UNC5D: variants seen among roughly 807,000 people sequenced by gnomAD.
The protein encoded by UNC5D is netrin receptor UNC5D.
In UNC5D, 39 loss-of-function variants were observed where a neutral mutation model predicts 105.4. The ratio of observed to expected loss-of-function variants is 0.37; its 90% CI spans 0.29 to 0.48. The LOEUF is 0.48. UNC5D is among the 20% of genes least tolerant of loss of function. The pLI, the probability that UNC5D is intolerant of heterozygous loss-of-function variation, is 0.98. For missense variants in UNC5D, 991 were observed against 1,202.4 expected (o/e 0.82, Z 2.60); for synonymous variants, 452 against 450.4 (o/e 1.00, Z -0.04).
chr8:35,717,323 TC>T (rs1403411772), intron 8 of UNC5D, among the ~76,000 whole-genome samples: 1 of 152,224 alleles, frequency 6.6e-6, no homozygotes, highest in Admixed American at 6.5e-5. Context: ...GAGTTAAATT[TC>T]CATTAGTAAG....
rs1807846996 is a variant in UNC5D, at chr8:35,447,117, C to T, written c.104-102175C>T. 3.3e-5 allele frequency among the ~76,000 whole-genome samples: 5 copies of T among 152,060 alleles called. No homozygotes were observed. In the South Asian group the frequency reaches 8.3e-4, roughly 25 times the overall value. ...ACGTGTTCTCCCTGTAATAGCTTGTCTAATTTGTATAAAAACTCAAGTTTT... is the reference window on the plus strand; with the variant it reads ...ACGTGTTCTCCCTGTAATAGCTTGTTTAATTTGTATAAAAACTCAAGTTTT... On this transcript the variant is annotated intron_variant, in intron 1 of 16. Coordinates refer to ENST00000404895, the MANE Select transcript of UNC5D (RefSeq NM_080872.4).
At chr8:35,599,253 G>C (rs922201137) in intron 4 of UNC5D, among the ~76,000 whole-genome samples, 1 of 151,624 alleles carries the variant, frequency 6.6e-6, no homozygotes, top group African/African-American at 2.4e-5. Flanking sequence ...TGGTCAAAGG[G>C]TACAATATTT....
At chr8:35,573,985 C>T (rs1370814295) in intron 3 of UNC5D, among the ~76,000 whole-genome samples, 2 of 152,206 alleles carry the variant, frequency 1.3e-5, no homozygotes, top group East Asian at 1.9e-4. Context: ...TAGGGAACAA[C>T]TCCCACGGGC....
intron 1 of UNC5D, among the ~76,000 whole-genome samples, chr8:35,438,355 C>T (rs16883926): frequency 0.071 from 10,856 of 151,952 alleles, 465 homozygotes; most frequent in East Asian, 0.16. Context: ...GATTAAGTGA[C>T]GTTTGTAGAG....
intron 1 of UNC5D, among the ~76,000 whole-genome samples, chr8:35,377,091 G>A (rs963737206): frequency 6.6e-6 from 1 of 152,156 alleles, no homozygotes; most frequent in African/African-American, 2.4e-5. Context: ...ACACCAGGTG[G>A]TGTATCATTT....
chr8:35,369,255 G>A (rs1434144822), intron 1 of UNC5D, among the ~76,000 whole-genome samples: 1 of 152,064 alleles, frequency 6.6e-6, no homozygotes. Flanking sequence ...TGGAGTCCAG[G>A]CCTCCTATAC....
intron 1 of UNC5D, among the ~76,000 whole-genome samples, chr8:35,421,032 A>T (rs1805865609): frequency 6.6e-6 from 1 of 152,090 alleles, no homozygotes; most frequent in Non-Finnish European, 1.5e-5. Context: ...CCTTTTTCAT[A>T]GCTTCTATTG....
At chr8:35,684,420 T>G (rs935227400) in intron 5 of UNC5D, among the ~76,000 whole-genome samples, 162 bp from the exon 6 acceptor site, 95 of 152,172 alleles carry the variant, frequency 6.2e-4, no homozygotes, top group African/African-American at 2.2e-3. Flanking sequence ...ATGAGATGAC[T>G]CCCCCACTGT....
intron 1 of UNC5D, among the ~76,000 whole-genome samples, chr8:35,350,257 T>A (rs762574521): frequency 5.3e-5 from 8 of 151,904 alleles, no homozygotes; most frequent in Non-Finnish European, 1.2e-4. Context: ...AACTTAAGCA[T>A]GGATAAACAA....
chr8:35,356,331 C>T (rs1801549854), intron 1 of UNC5D, among the ~76,000 whole-genome samples: 1 of 152,264 alleles, frequency 6.6e-6, no homozygotes, highest in Admixed American at 6.5e-5. Context: ...TACTACAGTA[C>T]TCCCTCCTTA....
At chr8:35,688,140 A>G (rs1051088631) in intron 7 of UNC5D, among the ~76,000 whole-genome samples, 2 of 146,080 alleles carry the variant, frequency 1.4e-5, no homozygotes, top group Admixed American at 6.7e-5. Context: ...TCAAAAACAA[A>G]AAAAAACAAA....
chr8:35,745,450 G>A (rs1257078717), intron 11 of UNC5D, among the ~76,000 whole-genome samples: 2 of 152,174 alleles, frequency 1.3e-5, no homozygotes, highest in Non-Finnish European at 2.9e-5. Context: ...AAGGATAAAA[G>A]CAAGGAGACC....
chr8:35,311,813 G>A (rs1808908728), intron 1 of UNC5D, among the ~76,000 whole-genome samples: 1 of 152,118 alleles, frequency 6.6e-6, no homozygotes, highest in Admixed American at 6.6e-5. Context: ...TATTTTAAAA[G>A]TACAAGGAAG....
At chr8:35,410,050 G>T (rs1217124465) in intron 1 of UNC5D, among the ~76,000 whole-genome samples, 1 of 151,322 alleles carries the variant, frequency 6.6e-6, no homozygotes, top group Non-Finnish European at 1.5e-5. Flanking sequence ...CACTTGAACA[G>T]TAATGAATTT....
chr8:35,709,487 C>A (rs973941530), intron 8 of UNC5D, among the ~76,000 whole-genome samples: 1 of 151,936 alleles, frequency 6.6e-6, no homozygotes, highest in Non-Finnish European at 1.5e-5. Context: ...GTGAGGAGTT[C>A]GAGACCAGCC....
At chr8:35,313,483 A>G (rs1262686110) in intron 1 of UNC5D, among the ~76,000 whole-genome samples, 1 of 152,210 alleles carries the variant, frequency 6.6e-6, no homozygotes, top group Admixed American at 6.5e-5. Context: ...GTTTGCGATT[A>G]CTTGCAAAAA....
rs372571482 is a variant in UNC5D, at chr8:35,584,690, A to G, written c.467-10864A>G. On this transcript the variant is annotated intron_variant, in intron 3 of 16. Transcript: ENST00000404895. ...GGTATCAAACTCCTGGCCTGAAGAG[A>G]TCCTCCCACTTTGGCCTCCCCAAAT... Among the ~76,000 whole-genome samples the G allele has an allele frequency of 7.7e-4, 117 of 151,936 alleles. 2 individuals are homozygous for G. Among genetic ancestry groups the G allele is most frequent in the African/African-American group, 2.5e-3 (103 of 41,438 alleles).
intron 2 of UNC5D, among the ~76,000 whole-genome samples, chr8:35,563,357 G>T (rs1277034945): frequency 7.4e-6 from 1 of 135,672 alleles, no homozygotes; most frequent in Non-Finnish European, 1.6e-5. Context: ...TATTTTTTGT[G>T]GGGGGTGGGG....
chr8:35,268,724 A>G (rs2128830948), intron 1 of UNC5D, among the ~76,000 whole-genome samples: 1 of 152,302 alleles, frequency 6.6e-6, no homozygotes, highest in Admixed American at 6.5e-5. Context: ...TGTTCTAAAT[A>G]TATTGCTTAT....
Sources: gnomAD v4.1 joint callset for allele counts (sites outside exome capture counted in the v4.1 genomes callset) on GRCh38, gnomAD v4.1.1 for gene constraint, MANE v1.5 for transcripts, NCBI Gene and HGNC (gene_info 2026-07-23, HGNC 2026-07-21) for gene names.